Variants in TBCE observed in about 807,000 individuals in gnomAD.
TBCE encodes the protein tubulin folding cofactor E.
In TBCE, 53 loss-of-function variants were observed where a neutral mutation model predicts 77.0. The ratio of observed to expected loss-of-function variants is 0.69; its 90% CI spans 0.55 to 0.87. The LOEUF is 0.87. TBCE is among the 40% of genes least tolerant of loss of function. The pLI, the probability that TBCE is intolerant of heterozygous loss-of-function variation, is 0.00. For missense variants in TBCE, 624 were observed against 622.4 expected (o/e 1.00, Z -0.03); for synonymous variants, 235 against 241.3 (o/e 0.97, Z 0.24).
chr1:235,450,111 A>G lies in TBCE; in HGVS notation c.*1349A>G, dbSNP rs1330303051. On this transcript the variant is annotated 3_prime_UTR_variant, in exon 17 of 17. Transcript: ENST00000642610. Reference sequence around the variant, plus strand: ...CAGTCTGGAACTCTCTTGAAAGACCATACAGTCTACTGCTAAACCCTGGGA... The same window carrying G: ...CAGTCTGGAACTCTCTTGAAAGACCGTACAGTCTACTGCTAAACCCTGGGA... 2 of 1,461,468 alleles carry G rather than the reference A, an allele frequency of 1.4e-6. No homozygotes were observed. Among genetic ancestry groups the G allele is most frequent in the Non-Finnish European group, 1.9e-6 (2 of 1,054,724 alleles). The allele number at this position is 1,461,468 out of a possible 1,614,324, so 90.5% of individuals were successfully genotyped here. A position where few individuals can be genotyped will look rare whatever the true frequency, so the allele number is the denominator to read the frequency against.
chr1:235,423,353 C>T (rs571912710), intron 5 of TBCE, among the ~76,000 whole-genome samples: 30 of 152,244 alleles, frequency 2.0e-4, no homozygotes, highest in Admixed American at 2.0e-3. Flanking sequence ...TGGTTGATTT[C>T]AGGATGTAGG....
chr1:235,407,074 C>T (rs968933790), intron 3 of TBCE, among the ~76,000 whole-genome samples: 2 of 151,922 alleles, frequency 1.3e-5, no homozygotes, highest in African/African-American at 4.8e-5. Flanking sequence ...GGTGTTCTGC[C>T]TGCCTTGGCC....
At position 235,447,948 on chromosome 1, in the gene TBCE, T is replaced by C. The variant is rs770312218; in HGVS notation, c.1400-401T>C. Among the ~76,000 whole-genome samples the C allele has an allele frequency of 1.6e-4, 24 of 152,082 alleles. 1 individual carries two copies. Among genetic ancestry groups the C allele is most frequent in the Admixed American group, 2.0e-4 (3 of 15,260 alleles). ...AAGATACAGCCAGGCGCTGGGCTCA[T>C]GCTTGTAATCCCAGCACTTTGGGGG... On this transcript the variant is annotated intron_variant, in intron 15 of 16. Transcript: ENST00000642610.
chr1:235,446,872 T>G (rs753924035), intron 15 of TBCE, among the ~76,000 whole-genome samples: 6 of 151,896 alleles, frequency 4.0e-5, no homozygotes, highest in Non-Finnish European at 1.5e-5. Context: ...TTTGTAGAGA[T>G]GGGGTATCCT....
In TBCE at chr1:235,405,601, A is replaced by T. The variant is rs539203083; in HGVS notation, c.185+4014A>T. Among the ~76,000 whole-genome samples, 6 of 151,966 alleles carry T rather than the reference A, an allele frequency of 3.9e-5. No individual in the cohort carries two copies. In the South Asian group the frequency reaches 1.0e-3, roughly 26 times the overall value. ...CAGTGAGCCAAGATCACACCATTGC[A>T]CTCCAGCTTGGTCAGCAGAGTGAAA... is the stretch of plus-strand genomic sequence containing the variant. On this transcript the variant is annotated intron_variant, in intron 3 of 16. Transcript: ENST00000642610.
chr1:235,409,969 G>T (rs192944379), intron 3 of TBCE, among the ~76,000 whole-genome samples: 1 of 148,154 alleles, frequency 6.7e-6, no homozygotes, highest in Non-Finnish European at 1.5e-5. Flanking sequence ...GTTGGAGATT[G>T]CAGTGAACCG....
chr1:235,437,497 G>C (rs747870032), intron 12 of TBCE, 23 bp downstream of exon 12: 23 of 1,612,788 alleles, frequency 1.4e-5, no homozygotes, highest in Non-Finnish European at 1.8e-5. Flanking sequence ...GTCATGACTA[G>C]ATATTTTTTA....
At chr1:235,383,329 G>A (rs1378482324) in intron 2 of TBCE, among the ~76,000 whole-genome samples, 1 of 152,158 alleles carries the variant, frequency 6.6e-6, no homozygotes, top group African/African-American at 2.4e-5. Context: ...GAACTTTAAA[G>A]TAGTTTTTTC....
At chr1:235,406,944 C>T (rs1679472362) in intron 3 of TBCE, among the ~76,000 whole-genome samples, 1 of 150,924 alleles carries the variant, frequency 6.6e-6, no homozygotes, top group Admixed American at 6.7e-5. Context: ...AAGGGATTCT[C>T]CTGTCTCAGC....
chr1:235,387,412 C>T (rs1678079681), intron 2 of TBCE, among the ~76,000 whole-genome samples: 1 of 152,202 alleles, frequency 6.6e-6, no homozygotes, highest in Non-Finnish European at 1.5e-5. Flanking sequence ...GTGGAGCCTA[C>T]AGAGGCAGGC....
At chr1:235,382,330 A>G (rs1055895049) in intron 2 of TBCE, among the ~76,000 whole-genome samples, 1 of 152,186 alleles carries the variant, frequency 6.6e-6, no homozygotes, top group Non-Finnish European at 1.5e-5. Flanking sequence ...GTATATACCC[A>G]GTAATGGGAT....
At chr1:235,444,836 G>A (rs1682138000) in intron 15 of TBCE, among the ~76,000 whole-genome samples, 1 of 152,260 alleles carries the variant, frequency 6.6e-6, no homozygotes, top group Non-Finnish European at 1.5e-5. Flanking sequence ...ATTGTCATTA[G>A]ACCTGTTTCG....
At chr1:235,416,991 A>T (rs1680146908) in intron 4 of TBCE, among the ~76,000 whole-genome samples, 1 of 152,222 alleles carries the variant, frequency 6.6e-6, no homozygotes. Context: ...GTTGTGAATA[A>T]CAAATGAGAT....
chr1:235,396,496 G>A, intron 2 of TBCE, among the ~76,000 whole-genome samples: 1 of 152,050 alleles, frequency 6.6e-6, no homozygotes, highest in East Asian at 1.9e-4. Context: ...CTTTCTTTTT[G>A]GTATATAACT....
At chr1:235,403,373 A>AT (rs1679238389) in intron 3 of TBCE, among the ~76,000 whole-genome samples, 1 of 151,980 alleles carries the variant, frequency 6.6e-6, no homozygotes, top group Non-Finnish European at 1.5e-5. Flanking sequence ...CGTCTGGCCA[A>AT]TTTTTTTGTA....
intron 3 of TBCE, among the ~76,000 whole-genome samples, chr1:235,403,205 A>C (rs1679225106): frequency 6.6e-6 from 1 of 151,950 alleles, no homozygotes; most frequent in Admixed American, 6.6e-5. Flanking sequence ...CTCCAGTGAA[A>C]GGACTTTTTT....
intron 1 of TBCE, among the ~76,000 whole-genome samples, chr1:235,379,577 C>T (rs946106308): frequency 6.6e-6 from 1 of 151,696 alleles, no homozygotes. Flanking sequence ...GCAAATGTAT[C>T]GTTTGAGCTA....
intron 15 of TBCE, among the ~76,000 whole-genome samples, chr1:235,447,384 T>TAATC (rs956633232): frequency 7.9e-5 from 12 of 152,332 alleles, no homozygotes; most frequent in African/African-American, 2.6e-4. Flanking sequence ...CTATTTCTTA[T>TAATC]AATCAAAATA....
intron 2 of TBCE, among the ~76,000 whole-genome samples, chr1:235,394,291 G>GTCTC (rs1413525226): frequency 6.6e-6 from 1 of 151,918 alleles, no homozygotes; most frequent in Non-Finnish European, 1.5e-5. Flanking sequence ...AGCCAGGATA[G>GTCTC]TCTCGATCTC....
Sources: gnomAD v4.1 joint callset for allele counts (sites outside exome capture counted in the v4.1 genomes callset) on GRCh38, gnomAD v4.1.1 for gene constraint, MANE v1.5 for transcripts, NCBI Gene and HGNC (gene_info 2026-07-23, HGNC 2026-07-21) for gene names.